FHIP1A: variants seen among roughly 807,000 people sequenced by gnomAD.
The protein encoded by FHIP1A is FHF complex subunit HOOK interacting protein 1A.
FHIP1A carries 61 observed loss-of-function variants against 88.6 expected under a neutral mutation model. That is an observed-to-expected ratio of 0.69 (90% CI 0.56 to 0.85). The LOEUF (loss-of-function observed/expected upper bound fraction) is 0.85. Ranked by LOEUF, FHIP1A falls within the 40% of genes least tolerant of loss-of-function variation. FHIP1A has a pLI of 0.00. For missense variants in FHIP1A, 1,154 were observed against 1,273.5 expected (o/e 0.91, Z 1.43); for synonymous variants, 478 against 496.0 (o/e 0.96, Z 0.48).
At position 151,507,672 on chromosome 4, in the gene FHIP1A, A is replaced by G. The variant is rs374168352; in HGVS notation, c.-123+25024A>G. On this transcript the variant is annotated intron_variant, in intron 3 of 13. Coordinates refer to ENST00000435205, the MANE Select transcript of FHIP1A (RefSeq NM_001109977.3). ...TATTAAGTGAACAAGGGCATCTATA[A>G]TGTTTTCGATATTTATTTTCAAAAT... Among the ~76,000 whole-genome samples the G allele has an allele frequency of 7.9e-5, 12 of 152,204 alleles. No individual in the cohort carries two copies. In the South Asian group the frequency reaches 2.5e-3, roughly 32 times the overall value.
intron 3 of FHIP1A, among the ~76,000 whole-genome samples, chr4:151,515,072 T>C (rs1377087052): frequency 7.2e-5 from 11 of 152,064 alleles, no homozygotes; most frequent in South Asian, 2.1e-4. Flanking sequence ...ACTGGCAAAC[T>C]GAATCCAGCA....
At position 151,606,030 on chromosome 4, in the gene FHIP1A, C is replaced by T. The variant is rs149693279; in HGVS notation, c.978+17104C>T. Reference sequence around the variant, plus strand: ...TATTATCACCATTATAAAATATTAACGGGCTATAATTGGGTGCTGAGTTTG... The same window carrying T: ...TATTATCACCATTATAAAATATTAATGGGCTATAATTGGGTGCTGAGTTTG... On this transcript the variant is annotated intron_variant, in intron 7 of 13. Transcript: ENST00000435205. Among the ~76,000 whole-genome samples the T allele has an allele frequency of 4.6e-5, 7 of 152,258 alleles. No individual in the cohort carries two copies. The East Asian group carries it at 7.7e-4, about 17-fold the overall frequency.
chr4:151,413,885 G>A (rs561878224), intron 1 of FHIP1A, among the ~76,000 whole-genome samples: 12 of 152,302 alleles, frequency 7.9e-5, no homozygotes, highest in Admixed American at 5.9e-4. Context: ...AGGTGTAGGA[G>A]TTTAAATGTT....
chr4:151,618,243 T>TA (rs1735615551), intron 7 of FHIP1A, among the ~76,000 whole-genome samples: 1 of 152,154 alleles, frequency 6.6e-6, no homozygotes, highest in African/African-American at 2.4e-5. Flanking sequence ...TGCTGGAAAA[T>TA]AAAATACCAG....
intron 2 of FHIP1A, among the ~76,000 whole-genome samples, chr4:151,459,183 A>G (rs748460316): frequency 1.3e-5 from 2 of 152,078 alleles, no homozygotes; most frequent in East Asian, 1.9e-4. Flanking sequence ...TTTTTAAAGT[A>G]TATATATACA....
At chr4:151,586,085 C>A (rs528842202) in intron 5 of FHIP1A, among the ~76,000 whole-genome samples, 1 of 152,248 alleles carries the variant, frequency 6.6e-6, no homozygotes, top group South Asian at 2.1e-4. Context: ...TTGTAAACTG[C>A]AAACATGCAG....
At chr4:151,460,023 T>G (rs1314089459) in intron 2 of FHIP1A, among the ~76,000 whole-genome samples, 1 of 152,216 alleles carries the variant, frequency 6.6e-6, no homozygotes, top group Non-Finnish European at 1.5e-5. Context: ...GTTTATGTTT[T>G]TAAGAGTTTA....
At chr4:151,464,980 G>C (rs1047996803) in intron 2 of FHIP1A, among the ~76,000 whole-genome samples, 1 of 152,156 alleles carries the variant, frequency 6.6e-6, no homozygotes, top group Admixed American at 6.5e-5. Context: ...AGGCTGAGGT[G>C]AGGATCATTT....
chr4:151,453,016 A>G (rs1339551772), intron 1 of FHIP1A, among the ~76,000 whole-genome samples: 1 of 151,270 alleles, frequency 6.6e-6, no homozygotes, highest in African/African-American at 2.4e-5. Context: ...CCTATACTGG[A>G]CATAGTTGTT....
At chr4:151,507,333 A>G (rs908735820) in intron 3 of FHIP1A, among the ~76,000 whole-genome samples, 1 of 152,168 alleles carries the variant, frequency 6.6e-6, no homozygotes, top group Admixed American at 6.5e-5. Context: ...TATATTGCCC[A>G]GGCTAGTCTC....
chr4:151,637,972 G>T (rs1360669240), intron 8 of FHIP1A, among the ~76,000 whole-genome samples: 1 of 152,166 alleles, frequency 6.6e-6, no homozygotes, highest in East Asian at 1.9e-4. Flanking sequence ...GGGCCAGTAT[G>T]ATTGTTAAAA....
At chr4:151,416,887 G>A (rs765596903) in intron 1 of FHIP1A, among the ~76,000 whole-genome samples, 35 of 152,000 alleles carry the variant, frequency 2.3e-4, no homozygotes, top group African/African-American at 7.7e-4. Flanking sequence ...AGGCTCAAGC[G>A]AATCTCCCAC....
chr4:151,654,207 C>T (rs1202380402), intron 11 of FHIP1A, among the ~76,000 whole-genome samples: 2 of 151,968 alleles, frequency 1.3e-5, no homozygotes, highest in African/African-American at 4.8e-5. Flanking sequence ...TCAAAGTGGA[C>T]TCCATTTGTA....
intron 3 of FHIP1A, among the ~76,000 whole-genome samples, chr4:151,560,272 C>T (rs1412766528): frequency 6.6e-6 from 1 of 152,148 alleles, no homozygotes. Context: ...CAAAGCTGCA[C>T]ATGTTCACAT....
chr4:151,499,859 C>T (rs1296776466), intron 3 of FHIP1A, among the ~76,000 whole-genome samples: 4 of 152,122 alleles, frequency 2.6e-5, no homozygotes, highest in Admixed American at 6.6e-5. Context: ...AACCGCCTCC[C>T]GTGATGAAAT....
chr4:151,484,809 C>T (rs1167871077), intron 3 of FHIP1A, among the ~76,000 whole-genome samples: 1 of 152,142 alleles, frequency 6.6e-6, no homozygotes, highest in East Asian at 1.9e-4. Context: ...TTTGAATATG[C>T]TATTTCAGGG....
intron 7 of FHIP1A, among the ~76,000 whole-genome samples, chr4:151,606,862 C>T (rs142292801): frequency 6.6e-6 from 1 of 152,328 alleles, no homozygotes; most frequent in African/African-American, 2.4e-5. Context: ...GTGCCCACCT[C>T]AGCCCACAGA....
At chr4:151,579,314 G>T (rs1414540726) in intron 5 of FHIP1A, among the ~76,000 whole-genome samples, 3 of 152,154 alleles carry the variant, frequency 2.0e-5, no homozygotes, top group Admixed American at 6.5e-5. Context: ...TCTGGTAGGG[G>T]ATGTTGATAA....
intron 13 of FHIP1A, among the ~76,000 whole-genome samples, chr4:151,661,271 A>T (rs1737446268): frequency 6.6e-6 from 1 of 151,974 alleles, no homozygotes; most frequent in Non-Finnish European, 1.5e-5. Flanking sequence ...TTTTGTGCTC[A>T]CTCTGTTGCC....
Sources: allele counts gnomAD v4.1 joint callset (sites outside exome capture counted in the v4.1 genomes callset), GRCh38; gene constraint gnomAD v4.1.1; transcripts MANE v1.5; gene names NCBI Gene and HGNC (gene_info 2026-07-23, HGNC 2026-07-21).